The following KIAA0319L variants were observed in gnomAD, a reference collection of about 807,000 sequenced individuals.
KIAA0319L encodes the protein dyslexia-associated protein KIAA0319-like protein.
Under a neutral mutation model 120.1 loss-of-function variants are expected in KIAA0319L, and 55 were observed. The observed-to-expected ratio is 0.46, with a 90% CI of 0.37 to 0.57. The LOEUF (loss-of-function observed/expected upper bound fraction) is 0.57. Ranked by LOEUF, KIAA0319L falls within the 20% of genes least tolerant of loss-of-function variation. KIAA0319L has a pLI of 0.00. For synonymous variants in KIAA0319L, 398 were observed against 471.9 expected (o/e 0.84, Z 2.03); for missense variants, 1,049 against 1,255.3 (o/e 0.84, Z 2.48).
At chr1:35,508,087 A>C (rs1305313114) in intron 2 of KIAA0319L, among the ~76,000 whole-genome samples, 3 of 152,210 alleles carry the variant, frequency 2.0e-5, no homozygotes, top group African/African-American at 7.2e-5. Context: ...AGCTATTGTC[A>C]GGGTTATATA....
intron 3 of KIAA0319L, among the ~76,000 whole-genome samples, chr1:35,491,340 A>C (rs1160780929): frequency 6.6e-6 from 1 of 152,216 alleles, no homozygotes; most frequent in Non-Finnish European, 1.5e-5. Context: ...CCACATTCTA[A>C]TCCAGATTAA....
chr1:35,500,521 T>C (rs1475248815), intron 3 of KIAA0319L, among the ~76,000 whole-genome samples: 1 of 152,256 alleles, frequency 6.6e-6, no homozygotes, highest in East Asian at 1.9e-4. Flanking sequence ...ATTCAATATA[T>C]GTATATTTCC....
chr1:35,466,660 T>C lies in KIAA0319L; in HGVS notation c.1149A>G (p.Val383=), dbSNP rs760702175. 1 of 1,613,732 alleles carries C rather than the reference T, an allele frequency of 6.2e-7. No individual in the cohort carries two copies. The highest frequency in any genetic ancestry group is 1.7e-5 in the Admixed American group (1 of 60,028). The part of the protein sequence containing the change: ...TPGLYEFKVI[V]EGQNAHGEGY... Reference sequence around the variant, plus strand: ...CTTCCCCATGGGCATTTTGACCCTCTACAATCACTTTGAATTCATACAGGC... The same window carrying C: ...CTTCCCCATGGGCATTTTGACCCTCCACAATCACTTTGAATTCATACAGGC... Residue 383 remains valine (V), a synonymous_variant, in exon 7 of 21, where the codon GTA becomes GTG. Transcript: ENST00000325722.
At chr1:35,492,244 G>A (rs566616799) in intron 3 of KIAA0319L, among the ~76,000 whole-genome samples, 33 of 152,048 alleles carry the variant, frequency 2.2e-4, no homozygotes, top group African/African-American at 7.7e-4. Flanking sequence ...AGCTGGGCGC[G>A]GAGGCTCACG....
At chr1:35,529,733 T>C (rs1418347727) in intron 2 of KIAA0319L, among the ~76,000 whole-genome samples, 2 of 152,224 alleles carry the variant, frequency 1.3e-5, no homozygotes, top group Admixed American at 1.3e-4. Context: ...TTGCTGTGTT[T>C]AGAATTCTTT....
chr1:35,452,861 A>G (rs1252863365), intron 12 of KIAA0319L, among the ~76,000 whole-genome samples: 8 of 152,038 alleles, frequency 5.3e-5, no homozygotes, highest in Non-Finnish European at 8.8e-5. Flanking sequence ...AAACAAACAC[A>G]ATACAAAAAA....
At chr1:35,493,087 A>C (rs1297688004) in intron 3 of KIAA0319L, among the ~76,000 whole-genome samples, 2 of 152,238 alleles carry the variant, frequency 1.3e-5, no homozygotes, top group Non-Finnish European at 2.9e-5. Context: ...CAGGTTGGAG[A>C]AGAAGTAAAG....
At chr1:35,441,940 G>A (rs1375507394) in intron 19 of KIAA0319L, among the ~76,000 whole-genome samples, 1 of 152,148 alleles carries the variant, frequency 6.6e-6, no homozygotes, top group African/African-American at 2.4e-5. Context: ...CCTTACAGAT[G>A]TGATCCGGGT....
chr1:35,449,762 C>T, intron 15 of KIAA0319L, 105 bp downstream of exon 15: 1 of 1,241,380 alleles, frequency 8.1e-7, no homozygotes, highest in South Asian at 1.3e-5. Context: ...TAAAGCTGGA[C>T]ATGCCATCTG....
chr1:35,519,671 G>C (rs956897141), intron 2 of KIAA0319L, among the ~76,000 whole-genome samples: 2 of 152,050 alleles, frequency 1.3e-5, no homozygotes, highest in Non-Finnish European at 2.9e-5. Flanking sequence ...GGATCTATGT[G>C]CTCAAACCAG....
At chr1:35,504,319 C>T (rs1397301670) in intron 3 of KIAA0319L, among the ~76,000 whole-genome samples, 2 of 152,128 alleles carry the variant, frequency 1.3e-5, no homozygotes, top group Non-Finnish European at 2.9e-5. Context: ...CCCTCAGCCT[C>T]CCGAGTAGCT....
intron 12 of KIAA0319L, among the ~76,000 whole-genome samples, chr1:35,452,045 C>T (rs1349360025): frequency 1.3e-5 from 2 of 152,218 alleles, no homozygotes; most frequent in Non-Finnish European, 2.9e-5. Flanking sequence ...GAACGCTTTA[C>T]CATTCTAGTT....
At chr1:35,498,464 A>G (rs1224935249) in intron 3 of KIAA0319L, among the ~76,000 whole-genome samples, 1 of 152,198 alleles carries the variant, frequency 6.6e-6, no homozygotes, top group African/African-American at 2.4e-5. Flanking sequence ...ACCAATTCTG[A>G]ACAAACCTGT....
chr1:35,443,850 C>G (rs930206865), intron 17 of KIAA0319L, among the ~76,000 whole-genome samples: 2 of 152,136 alleles, frequency 1.3e-5, no homozygotes, highest in African/African-American at 4.8e-5. Flanking sequence ...GTTGATACTA[C>G]TGTAGTTTGT....
At chr1:35,488,130 A>T (rs1230217725) in intron 3 of KIAA0319L, among the ~76,000 whole-genome samples, 1 of 152,296 alleles carries the variant, frequency 6.6e-6, no homozygotes, top group Admixed American at 6.5e-5. Context: ...CTGCAAATTC[A>T]CAATTCTTTT....
intron 2 of KIAA0319L, among the ~76,000 whole-genome samples, chr1:35,545,226 G>A (rs1646938646): frequency 6.6e-6 from 1 of 152,132 alleles, no homozygotes; most frequent in African/African-American, 2.4e-5. Flanking sequence ...CTCTAGGGGG[G>A]CAAGAGGAGC....
At chr1:35,497,906 T>C (rs1644871671) in intron 3 of KIAA0319L, among the ~76,000 whole-genome samples, 1 of 152,244 alleles carries the variant, frequency 6.6e-6, no homozygotes, top group Non-Finnish European at 1.5e-5. Context: ...ATTTTAAAGT[T>C]AGGCAGACAG....
chr1:35,553,380 A>G (rs1309493400), intron 2 of KIAA0319L, among the ~76,000 whole-genome samples: 3 of 151,660 alleles, frequency 2.0e-5, no homozygotes, highest in Admixed American at 6.6e-5. Flanking sequence ...CATGTAGATC[A>G]GCTTTCTGTC....
chr1:35,459,266 C>G (rs1293824978), intron 9 of KIAA0319L, among the ~76,000 whole-genome samples: 1 of 152,060 alleles, frequency 6.6e-6, no homozygotes, highest in Non-Finnish European at 1.5e-5. Flanking sequence ...ATACATGGAT[C>G]AAGTCAAGGA....
Sources: gnomAD v4.1 joint callset for allele counts (sites outside exome capture counted in the v4.1 genomes callset) on GRCh38, gnomAD v4.1.1 for gene constraint, MANE v1.5 for transcripts, NCBI Gene and HGNC (gene_info 2026-07-23, HGNC 2026-07-21) for gene names.